PTER: variants seen among roughly 807,000 people sequenced by gnomAD.
The protein encoded by PTER is phosphotriesterase related, also known as N-acetyltaurine hydrolase.
PTER carries 38 observed loss-of-function variants against 29.6 expected under a neutral mutation model. The ratio of observed to expected loss-of-function variants is 1.28; its 90% CI spans 0.99 to 1.68. PTER has a LOEUF of 1.68. PTER is among the 40% of genes most tolerant of loss of function. The pLI is 0.00. For synonymous variants in PTER, 172 were observed against 154.5 expected, an observed-to-expected ratio of 1.11 and a Z score of -0.84; for missense variants, 482 against 427.8, an observed-to-expected ratio of 1.13 and a Z score of -1.12.
At chr10:16,456,142 T>C (rs1401725247) in intron 1 of PTER, among the ~76,000 whole-genome samples, 1 of 152,208 alleles carries the variant, frequency 6.6e-6, no homozygotes. Context: ...GAGTACATAT[T>C]CTAAATCTGT....
At chr10:16,485,425 G>A (rs188881390) in intron 2 of PTER, among the ~76,000 whole-genome samples, 31 of 152,214 alleles carry the variant, frequency 2.0e-4, no homozygotes, top group Admixed American at 7.9e-4. Context: ...TTTTTTGCAC[G>A]TGTATGTGTT....
intron 1 of PTER, among the ~76,000 whole-genome samples, chr10:16,467,670 G>C (rs11816065): frequency 0.61 from 92,328 of 151,828 alleles, 28,907 homozygotes; most frequent in East Asian, 0.8. Context: ...AAATTAGCCA[G>C]GTGTGGTAGT....
At chr10:16,514,567 TTTG>T, downstream of PTER, 1 of 1,613,850 alleles carries the variant, frequency 6.2e-7, no homozygotes, top group Non-Finnish European at 8.5e-7. Flanking sequence ...ACGTGCTGTA[TTTG>T]TTGTTGTTTC....
intron 3 of PTER, among the ~76,000 whole-genome samples, chr10:16,489,255 A>G (rs939608767): frequency 7.9e-5 from 12 of 152,150 alleles, no homozygotes; most frequent in Admixed American, 3.3e-4. Context: ...TCTGTTACCT[A>G]TTAAGTTCTA....
At chr10:16,473,872 G>T (rs779412182) in intron 1 of PTER, among the ~76,000 whole-genome samples, 1 of 152,078 alleles carries the variant, frequency 6.6e-6, no homozygotes, top group African/African-American at 2.4e-5. Context: ...TTAACCACAT[G>T]AAATTTGAAA....
intron 1 of PTER, among the ~76,000 whole-genome samples, chr10:16,452,016 A>T (rs1387460121): frequency 1.3e-5 from 2 of 152,108 alleles, no homozygotes; most frequent in Non-Finnish European, 2.9e-5. Flanking sequence ...GTTTTTCTTT[A>T]AACCAATCCA....
intron 3 of PTER, among the ~76,000 whole-genome samples, chr10:16,503,132 G>A (rs1278932103): frequency 1.6e-5 from 2 of 126,036 alleles, no homozygotes; most frequent in Non-Finnish European, 3.1e-5. Flanking sequence ...TGTTGGCCAG[G>A]CTGGTCTCAA....
At chr10:16,443,978 T>C (rs995237635) in intron 1 of PTER, among the ~76,000 whole-genome samples, 2 of 151,906 alleles carry the variant, frequency 1.3e-5, no homozygotes, top group African/African-American at 2.4e-5. Flanking sequence ...AGAAAAGATG[T>C]GAGCCTAGGA....
chr10:16,498,064 T>C (rs2133482969), intron 3 of PTER, among the ~76,000 whole-genome samples: 1 of 152,326 alleles, frequency 6.6e-6, no homozygotes, highest in East Asian at 1.9e-4. Context: ...GAACAAGTAC[T>C]TGATACCAAA....
chr10:16,459,298 T>G (rs548371800), intron 1 of PTER, among the ~76,000 whole-genome samples: 30 of 152,324 alleles, frequency 2.0e-4, no homozygotes, highest in African/African-American at 7.2e-4. Context: ...GCAAGTATAT[T>G]TTACTATTAG....
At chr10:16,453,369 T>C (rs1834282942) in intron 1 of PTER, among the ~76,000 whole-genome samples, 1 of 152,184 alleles carries the variant, frequency 6.6e-6, no homozygotes, top group African/African-American at 2.4e-5. Context: ...CACACATATA[T>C]ACATATATAT....
chr10:16,476,455 CA>C (rs1186582154), intron 1 of PTER, among the ~76,000 whole-genome samples: 1 of 152,134 alleles, frequency 6.6e-6, no homozygotes, highest in Non-Finnish European at 1.5e-5. Flanking sequence ...TGTGGTTAAT[CA>C]GGCAGATATT....
chr10:16,503,497 C>T (rs1836442949), intron 3 of PTER, among the ~76,000 whole-genome samples: 1 of 151,910 alleles, frequency 6.6e-6, no homozygotes, highest in Non-Finnish European at 1.5e-5. Flanking sequence ...CTCCGTCTCC[C>T]AGGTTCAAGC....
chr10:16,511,571 C>T lies in PTER; in HGVS notation c.*315C>T, dbSNP rs1021194177. The T allele has an allele frequency of 3.6e-6, 1 of 274,954 alleles. No homozygotes were observed. The allele number at this position is 274,954 out of a possible 1,614,324, so 17.0% of individuals were successfully genotyped here. Reference sequence around the variant, plus strand: ...TTTTCTCCCTAATCTATCAGCTGCACTACTTGAGAAAATTTAAAGTGTTTC... The same window carrying T: ...TTTTCTCCCTAATCTATCAGCTGCATTACTTGAGAAAATTTAAAGTGTTTC... On this transcript the variant is annotated 3_prime_UTR_variant, in exon 5 of 5. Transcript: ENST00000535784.
chr10:16,464,638 C>T (rs552659171), intron 1 of PTER, among the ~76,000 whole-genome samples: 18 of 152,278 alleles, frequency 1.2e-4, no homozygotes, highest in Admixed American at 8.5e-4. Flanking sequence ...TCAGCCTTTA[C>T]GGGATGCTTT....
chr10:16,508,070 C>CTTTTTTT (rs56800279), intron 4 of PTER, among the ~76,000 whole-genome samples: 36 of 127,856 alleles, frequency 2.8e-4, no homozygotes, highest in East Asian at 6.8e-4. Flanking sequence ...TTTTCTTTTT[C>CTTTTTTT]TTTTTTTTTT....
chr10:16,514,084 G>A, downstream of PTER: 1 of 376,672 alleles, frequency 2.7e-6, no homozygotes, highest in Non-Finnish European at 4.7e-6. Flanking sequence ...CTCCTGCAGG[G>A]CAAAAATCAT....
rs1013728312 is a variant in PTER, at chr10:16,512,069, A to G, written c.*813A>G. The G allele has an allele frequency of 1.3e-5, 2 of 152,508 alleles. No homozygotes were observed. The highest frequency in any genetic ancestry group is 2.4e-5 in the African/African-American group (1 of 41,406). The allele number at this position is 152,508 out of a possible 1,614,324, so 9.4% of individuals were successfully genotyped here. A position where few individuals can be genotyped will look rare whatever the true frequency, so the allele number is the denominator to read the frequency against. On this transcript the variant is annotated 3_prime_UTR_variant, in exon 5 of 5. Coordinates refer to ENST00000535784, the MANE Select transcript of PTER (RefSeq NM_001261836.2). ...TTGGTAAGATATAATGCAAAAAAAA[A>G]AAGAGAAATGTTTGCCTTATGTATA...
At position 16,444,407 on chromosome 10, in the gene PTER, C is replaced by T. The variant is rs139475815; in HGVS notation, c.-49+7360C>T. Among the ~76,000 whole-genome samples, 240 of 151,676 alleles carry T rather than the reference C, an allele frequency of 1.6e-3. 2 individuals are homozygous for T. Among genetic ancestry groups the T allele is most frequent in the African/African-American group, 5.4e-3 (224 of 41,386 alleles). On this transcript the variant is annotated intron_variant, in intron 1 of 4. Coordinates refer to ENST00000535784, the MANE Select transcript of PTER (RefSeq NM_001261836.2). ...GCGATCCTCCTGAGTAGCTGGATTA[C>T]AGGTGCTCAATACCTCAATACCACG... is the stretch of plus-strand genomic sequence containing the variant.
Sources: gnomAD v4.1 joint callset for allele counts (sites outside exome capture counted in the v4.1 genomes callset) on GRCh38, gnomAD v4.1.1 for gene constraint, MANE v1.5 for transcripts, NCBI Gene and HGNC (gene_info 2026-07-23, HGNC 2026-07-21) for gene names.